Variants in NEK5 observed in about 807,000 individuals in gnomAD.
NEK5 encodes NIMA related kinase 5, also known as serine/threonine-protein kinase Nek5.
A neutral mutation model predicts 109.2 loss-of-function variants in NEK5; 88 were observed. That is an observed-to-expected ratio of 0.81 (90% CI 0.68 to 0.96). The LOEUF (loss-of-function observed/expected upper bound fraction) is 0.96, where lower values mean the gene tolerates loss of function less well. Among genes scored for constraint, NEK5 ranks in the 40% least tolerant of loss-of-function variants. The pLI, the probability that NEK5 is intolerant of heterozygous loss-of-function variation, is 0.00. For synonymous variants in NEK5, 283 were observed against 299.9 expected (o/e 0.94, Z 0.58); for missense variants, 834 against 920.7 (o/e 0.91, Z 1.22).
intron 17 of NEK5, among the ~76,000 whole-genome samples, chr13:52,078,954 T>G (rs1489490782): frequency 6.6e-6 from 1 of 152,254 alleles, no homozygotes; most frequent in Non-Finnish European, 1.5e-5. Context: ...AGATAAGTCA[T>G]AGTCCTGATT....
At chr13:52,063,085 C>T (rs2137746385) in intron 21 of NEK5, among the ~76,000 whole-genome samples, 1 of 152,106 alleles carries the variant, frequency 6.6e-6, no homozygotes, top group African/African-American at 2.4e-5. Flanking sequence ...CCACGGTCTC[C>T]CTCTCCCTCT....
intron 9 of NEK5, 64 bp downstream of exon 9, chr13:52,104,434 A>T (rs1593984321): frequency 8.7e-7 from 1 of 1,149,946 alleles, no homozygotes; most frequent in Non-Finnish European, 1.3e-6. Context: ...TTTTTCTCCC[A>T]GAAGTTAATT....
chr13:52,074,919 A>G (rs980438623), intron 19 of NEK5, among the ~76,000 whole-genome samples: 16 of 152,200 alleles, frequency 1.1e-4, no homozygotes, highest in African/African-American at 3.4e-4. Flanking sequence ...CAAAACCACA[A>G]TGAGACACCA....
chr13:52,050,293 C>T (rs1191139993), intron 22 of NEK5, 72 bp from the exon 23 acceptor site: 2 of 343,838 alleles, frequency 5.8e-6, no homozygotes, highest in Non-Finnish European at 8.2e-6. Context: ...ATACCAAAAA[C>T]CTGATAGTGA....
At position 52,097,735 on chromosome 13, in the gene NEK5, T is replaced by G. The variant is rs1249943041; in HGVS notation, c.1026+2008A>C. Among the ~76,000 whole-genome samples the G allele has an allele frequency of 2.0e-5, 3 of 152,166 alleles. 1 individual carries two copies. The highest frequency in any genetic ancestry group is 4.1e-4 in the South Asian group (2 of 4,830). Reference sequence around the variant, plus strand: ...CTTTTGAGTTAATGCTGAAATGAGTTAAGCCTTGGGGGACTGTTGAGAAGG... The same window carrying G: ...CTTTTGAGTTAATGCTGAAATGAGTGAAGCCTTGGGGGACTGTTGAGAAGG... On this transcript the variant is annotated intron_variant, in intron 12 of 23. Transcript: ENST00000684899.
intron 13 of NEK5, among the ~76,000 whole-genome samples, chr13:52,092,046 T>A (rs1593966445): frequency 6.6e-6 from 1 of 152,090 alleles, no homozygotes; most frequent in Non-Finnish European, 1.5e-5. Flanking sequence ...TGGAATTTAG[T>A]AGGAGGAAGA....
At chr13:52,064,821 C>G in intron 21 of NEK5, 1 of 241,052 alleles carries the variant, frequency 4.1e-6, no homozygotes, top group Admixed American at 5.1e-5. Flanking sequence ...GGTGACCTTA[C>G]CCCCAACCCT....
intron 4 of NEK5, among the ~76,000 whole-genome samples, chr13:52,116,652 A>T (rs977773940): frequency 6.6e-6 from 1 of 152,234 alleles, no homozygotes; most frequent in African/African-American, 2.4e-5. Context: ...ACAGAAATCA[A>T]GAGATAATAA....
chr13:52,066,319 A>T (rs1954690114), intron 20 of NEK5, among the ~76,000 whole-genome samples: 1 of 152,172 alleles, frequency 6.6e-6, no homozygotes, highest in African/African-American at 2.4e-5. Context: ...TTATATAATG[A>T]CCTCATTTGT....
At position 52,065,509 on chromosome 13, in the gene NEK5, G is replaced by A. The variant is rs779046184; in HGVS notation, c.1950C>T (p.Thr650=). The change falls in exon 21 of 24, where the codon ACC becomes ACT. Residue 650 remains threonine, a synonymous_variant. Transcript: ENST00000684899. ...LLQMMAVADI[T]STCPTGPDNG... ...TGTCAGGCCCCGTGGGGCAGGTGGA[G>A]GTGATGTCGGCCACTGCCATCATCT... 19 of 1,613,756 alleles carry A rather than the reference G, an allele frequency of 1.2e-5. No homozygotes were observed. In the Admixed American group the frequency reaches 2.5e-4, roughly 21 times the overall value.
rs572694353 is a variant in NEK5, at chr13:52,063,703, G to C, written c.1976-1750C>G. On this transcript the variant is annotated intron_variant, in intron 21 of 23. Coordinates refer to ENST00000684899, the MANE Select transcript of NEK5 (RefSeq NM_001365552.1). ...CCCTGCCGCCCCGTCTGGGATGTGAGAAGCGCCTCTGCCCGGCCGCGACCC... is the reference window on the plus strand; with the variant it reads ...CCCTGCCGCCCCGTCTGGGATGTGACAAGCGCCTCTGCCCGGCCGCGACCC... Among the ~76,000 whole-genome samples the C allele has an allele frequency of 7.4e-4, 110 of 148,558 alleles. 2 individuals are homozygous for C. In the South Asian group the frequency reaches 0.023, roughly 31 times the overall value.
At chr13:52,120,807 G>A (rs1383146141) in intron 3 of NEK5, among the ~76,000 whole-genome samples, 2 of 151,942 alleles carry the variant, frequency 1.3e-5, no homozygotes, top group African/African-American at 2.4e-5. Context: ...AGCTACTCAG[G>A]AGGCTGAGGC....
intron 3 of NEK5, among the ~76,000 whole-genome samples, chr13:52,127,017 G>T (rs1053334241): frequency 1.3e-5 from 2 of 152,050 alleles, no homozygotes; most frequent in African/African-American, 4.8e-5. Context: ...GGAGCCACAG[G>T]GATGTGATCT....
At chr13:52,112,494 C>G in intron 4 of NEK5, 129 bp from the exon 5 acceptor site, 1 of 574,592 alleles carries the variant, frequency 1.7e-6, no homozygotes, top group East Asian at 2.8e-5. Flanking sequence ...CTCTGTGACT[C>G]TGGGCAAGTC....
At chr13:52,054,895 TC>T (rs1166378740) in intron 22 of NEK5, among the ~76,000 whole-genome samples, 1 of 152,174 alleles carries the variant, frequency 6.6e-6, no homozygotes, top group Non-Finnish European at 1.5e-5. Flanking sequence ...AGAGCACCTC[TC>T]CTCCTCCAAA....
intron 22 of NEK5, among the ~76,000 whole-genome samples, chr13:52,050,852 T>A (rs1362207082): frequency 6.6e-6 from 1 of 151,796 alleles, no homozygotes; most frequent in South Asian, 2.1e-4. Flanking sequence ...CCTGAGTAGC[T>A]GGGATTACAG....
intron 22 of NEK5, among the ~76,000 whole-genome samples, chr13:52,051,852 T>C (rs1954508830): frequency 1.3e-5 from 2 of 152,154 alleles, no homozygotes; most frequent in South Asian, 2.1e-4. Context: ...CCTAAAACAA[T>C]TCTGTTGAAT....
intron 16 of NEK5, among the ~76,000 whole-genome samples, chr13:52,085,308 G>A (rs1955120237): frequency 6.6e-6 from 1 of 152,194 alleles, no homozygotes; most frequent in South Asian, 2.1e-4. Flanking sequence ...CCCCAGCCAT[G>A]TGAAACTGTG....
chr13:52,092,946 T>G, intron 13 of NEK5, 108 bp downstream of exon 13: 2 of 749,460 alleles, frequency 2.7e-6, no homozygotes. Context: ...TTTGGAAAGT[T>G]CTTCTTGGAT....
Sources: gnomAD v4.1 joint callset for allele counts (sites outside exome capture counted in the v4.1 genomes callset) on GRCh38, gnomAD v4.1.1 for gene constraint, MANE v1.5 for transcripts, NCBI Gene and HGNC (gene_info 2026-07-23, HGNC 2026-07-21) for gene names.